CANX: variants seen among roughly 807,000 people sequenced by gnomAD.
CANX encodes epididymis secretory sperm binding protein.
CANX carries 14 observed loss-of-function variants against 75.7 expected under a neutral mutation model. That is an observed-to-expected ratio of 0.19 (90% CI 0.12 to 0.29). The LOEUF (loss-of-function observed/expected upper bound fraction) is 0.29. Among genes scored for constraint, CANX ranks in the 10% least tolerant of loss-of-function variants. CANX has a pLI of 1.00. For synonymous variants in CANX, 227 were observed against 236.9 expected (o/e 0.96, Z 0.38); for missense variants, 567 against 713.2 (o/e 0.79, Z 2.34).
chr5:179,689,379 G>GTTTTT (rs958473912), intron 1 of CANX, among the ~76,000 whole-genome samples: 2,304 of 83,628 alleles, frequency 0.028, 268 homozygotes, highest in African/African-American at 0.067. Context: ...AACCCAACAA[G>GTTTTT]TTTTTTTTTT....
intron 1 of CANX, among the ~76,000 whole-genome samples, chr5:179,684,986 C>CGGATCACT (rs1481711121): frequency 7.6e-6 from 1 of 132,430 alleles, no homozygotes; most frequent in Non-Finnish European, 1.5e-5. Flanking sequence ...CCATGTTGGC[C>CGGATCACT]CTGCCGGTCT....
At chr5:179,719,008 T>C (rs1480265042) in intron 8 of CANX, among the ~76,000 whole-genome samples, 1 of 149,610 alleles carries the variant, frequency 6.7e-6, no homozygotes, top group Admixed American at 6.6e-5. Context: ...TTTCACCTTG[T>C]TGCCCAGGCT....
rs1297428921 is a variant in CANX at position 179,724,559 on chromosome 5, A to G, written c.1519-98A>G. On this transcript the variant is annotated intron_variant, in intron 12 of 14. Transcript: ENST00000247461. ...TTCGTTTCTGTATATCTATCCCTGT[A>G]TACAGCCTGGAACAGAACTTTGCCT... The G allele has an allele frequency of 7.2e-6, 7 of 975,898 alleles. No individual in the cohort carries two copies. The African/African-American group carries it at 9.8e-5, about 14-fold the overall frequency. 60.5% of individuals were successfully genotyped at this position (975,898 alleles called of 1,614,324 possible). A position where few individuals can be genotyped will look rare whatever the true frequency, so the allele number is the denominator to read the frequency against.
At chr5:179,680,802 G>T in intron 1 of CANX, 1 of 1,280,690 alleles carries the variant, frequency 7.8e-7, no homozygotes. Context: ...GGTTCCCTCT[G>T]TTATGCCTTC....
upstream of CANX, chr5:179,698,578 A>G (rs1268527379): frequency 1.6e-6 from 2 of 1,289,236 alleles, no homozygotes; most frequent in African/African-American, 3.0e-5. Context: ...GATGCGTCCC[A>G]AGTCTCGGCT....
chr5:179,699,810 T>G (rs1776611441), intron 1 of CANX: 1 of 152,246 alleles, frequency 6.6e-6, no homozygotes, highest in Non-Finnish European at 1.5e-5. Context: ...ATTAGTGTAC[T>G]GATGGTGCTG....
At chr5:179,716,924 G>A (rs1777994152) in intron 8 of CANX, among the ~76,000 whole-genome samples, 1 of 152,216 alleles carries the variant, frequency 6.6e-6, no homozygotes, top group African/African-American at 2.4e-5. Context: ...ATGGGAAGGG[G>A]TGTTTCTGAT....
intron 7 of CANX, among the ~76,000 whole-genome samples, chr5:179,710,376 G>A (rs1777460434): frequency 7.0e-6 from 1 of 143,618 alleles, no homozygotes; most frequent in African/African-American, 2.6e-5. Context: ...TTGTGCCACA[G>A]CATTCCAGCC....
chr5:179,681,010 G>A (rs1447738442), intron 1 of CANX: 1 of 1,144,648 alleles, frequency 8.7e-7, no homozygotes, highest in African/African-American at 1.5e-5. Context: ...ATGGGGTGGA[G>A]TTGCTGAGCT....
chr5:179,692,367 G>T (rs1011939879), intron 1 of CANX, among the ~76,000 whole-genome samples: 2 of 151,926 alleles, frequency 1.3e-5, no homozygotes, highest in Non-Finnish European at 2.9e-5. Context: ...GAGCCGCTAT[G>T]CCTGGCCATC....
chr5:179,722,501 A>C (rs1488348100), intron 10 of CANX, among the ~76,000 whole-genome samples: 1 of 152,038 alleles, frequency 6.6e-6, no homozygotes, highest in Non-Finnish European at 1.5e-5. Context: ...TTATGCTCCC[A>C]CTCTCATTAG....
chr5:179,683,573 G>T (rs67484565), intron 1 of CANX, among the ~76,000 whole-genome samples: 53,776 of 151,596 alleles, frequency 0.35, 9,771 homozygotes, highest in South Asian at 0.53. Context: ...TCACTTTGTT[G>T]CCCAGACTGG....
chr5:179,679,331 G>T (rs1261124885), intron 1 of CANX: 23 of 1,324,452 alleles, frequency 1.7e-5, no homozygotes, highest in Admixed American at 2.6e-5. Flanking sequence ...CGCGAGGCCG[G>T]CGGACATGTC....
chr5:179,692,462 C>A lies in CANX; in HGVS notation c.-3-13217C>A, dbSNP rs147741784. 6.2e-3 allele frequency among the ~76,000 whole-genome samples: 937 copies of A among 152,232 alleles called. 10 individuals carry two copies. The highest frequency in any genetic ancestry group is 0.021 in the African/African-American group (870 of 41,556). On this transcript the variant is annotated intron_variant, in intron 1 of 14. Transcript: ENST00000681674. ...GTGGTTCACATCTGTAATCCCAGCA[C>A]TTTCAGAGGCCAATGGAGGATGATC...
At chr5:179,705,957 G>C (rs1467826660) in intron 2 of CANX, 105 bp downstream of exon 2, 5 of 857,276 alleles carry the variant, frequency 5.8e-6, no homozygotes, top group African/African-American at 1.7e-5. Flanking sequence ...AGGAGGCCTA[G>C]GACAGGAGTG....
intron 1 of CANX, among the ~76,000 whole-genome samples, chr5:179,691,800 C>T (rs940545439): frequency 3.9e-5 from 6 of 152,116 alleles, no homozygotes; most frequent in East Asian, 1.9e-4. Flanking sequence ...TTTTTTGAGA[C>T]GGAGTCTCGC....
At chr5:179,700,251 G>A (rs772209935) in intron 1 of CANX, 2 of 152,084 alleles carry the variant, frequency 1.3e-5, no homozygotes, top group African/African-American at 2.4e-5. Flanking sequence ...AAGATTGAGA[G>A]GACAAGATTA....
At chr5:179,721,003 C>T (rs567059349) in intron 10 of CANX, among the ~76,000 whole-genome samples, 12 of 152,030 alleles carry the variant, frequency 7.9e-5, no homozygotes, top group East Asian at 3.9e-4. Context: ...AGGCTGGTCT[C>T]GAACTCCTGA....
At chr5:179,685,123 G>A (rs1251139887) in intron 1 of CANX, among the ~76,000 whole-genome samples, 1 of 150,838 alleles carries the variant, frequency 6.6e-6, no homozygotes, top group Non-Finnish European at 1.5e-5. Flanking sequence ...TTTGGAGGCA[G>A]AGTCTCGCCC....
Sources: gnomAD v4.1 joint callset for allele counts (sites outside exome capture counted in the v4.1 genomes callset) on GRCh38, gnomAD v4.1.1 for gene constraint, MANE v1.5 for transcripts, NCBI Gene and HGNC (gene_info 2026-07-23, HGNC 2026-07-21) for gene names.